TFDP2: variants seen among roughly 807,000 people sequenced by gnomAD.
The protein encoded by TFDP2 is transcription factor Dp-2 (E2F dimerization partner 2).
TFDP2 carries 17 observed loss-of-function variants against 59.3 expected under a neutral mutation model. The ratio of observed to expected loss-of-function variants is 0.29; its 90% CI spans 0.20 to 0.43. The LOEUF is 0.43. TFDP2 is among the 20% of genes least tolerant of loss of function. The pLI, the probability that TFDP2 is intolerant of heterozygous loss-of-function variation, is 1.00. For synonymous variants in TFDP2, 180 were observed against 194.7 expected (o/e 0.92, Z 0.63); for missense variants, 391 against 528.8 (o/e 0.74, Z 2.56).
intron 1 of TFDP2, among the ~76,000 whole-genome samples, chr3:142,112,483 C>T (rs1185924714): frequency 1.3e-5 from 2 of 152,136 alleles, no homozygotes; most frequent in Non-Finnish European, 2.9e-5. Context: ...AGTATATGTG[C>T]TTTGATTTTC....
At chr3:142,086,039 G>A (rs775833702) in intron 3 of TFDP2, among the ~76,000 whole-genome samples, 5 of 151,788 alleles carry the variant, frequency 3.3e-5, no homozygotes, top group African/African-American at 7.3e-5. Flanking sequence ...ACTATCTTCC[G>A]CCCTTGTTCT....
chr3:141,954,095 G>A (rs1936260757), intron 11 of TFDP2, among the ~76,000 whole-genome samples: 2 of 151,988 alleles, frequency 1.3e-5, no homozygotes, highest in South Asian at 4.2e-4. Context: ...GGGAGGCGGA[G>A]GTTGCAGTGA....
chr3:141,955,170 T>C (rs1453612458), intron 11 of TFDP2, among the ~76,000 whole-genome samples: 4 of 152,220 alleles, frequency 2.6e-5, no homozygotes, highest in African/African-American at 9.6e-5. Flanking sequence ...ATTCTCTTTT[T>C]ACAATGAATT....
intron 1 of TFDP2, among the ~76,000 whole-genome samples, chr3:142,120,833 C>T (rs1376456605): frequency 6.6e-6 from 1 of 152,110 alleles, no homozygotes; most frequent in Non-Finnish European, 1.5e-5. Context: ...TTCATAACCC[C>T]ATGGCACTAT....
At chr3:142,005,785 T>C (rs1944158902) in intron 3 of TFDP2, among the ~76,000 whole-genome samples, 1 of 152,192 alleles carries the variant, frequency 6.6e-6, no homozygotes, top group South Asian at 2.1e-4. Flanking sequence ...CTCTATAAAA[T>C]AAATAGTTCC....
At chr3:142,146,701 C>T (rs2063191648) in intron 1 of TFDP2, among the ~76,000 whole-genome samples, 1 of 152,112 alleles carries the variant, frequency 6.6e-6, no homozygotes, top group Non-Finnish European at 1.5e-5. Context: ...GGGTACCATG[C>T]TTGTCAGAAG....
chr3:142,141,074 G>A (rs907550005), intron 1 of TFDP2, among the ~76,000 whole-genome samples: 2 of 152,154 alleles, frequency 1.3e-5, no homozygotes, highest in Non-Finnish European at 2.9e-5. Flanking sequence ...CCTCAGCAAT[G>A]GCGGACACCC....
chr3:141,963,033 T>A (rs1024171979), intron 10 of TFDP2, among the ~76,000 whole-genome samples: 5 of 152,190 alleles, frequency 3.3e-5, no homozygotes, highest in Non-Finnish European at 7.3e-5. Flanking sequence ...GGACCCAGTA[T>A]CATTCCTATT....
intron 2 of TFDP2, 111 bp from the exon 3 acceptor site, chr3:142,093,238 C>T (rs1161006052): frequency 1.8e-6 from 1 of 569,846 alleles, no homozygotes; most frequent in Non-Finnish European, 2.9e-6. Flanking sequence ...TATATAGCCA[C>T]ATCAAATGAA....
intron 1 of TFDP2, among the ~76,000 whole-genome samples, chr3:142,107,135 T>TA (rs2061499614): frequency 6.6e-6 from 1 of 152,168 alleles, no homozygotes; most frequent in Admixed American, 6.5e-5. Context: ...CAGAAGCAAC[T>TA]ACAATAACTT....
At chr3:142,008,506 T>C (rs1174863334) in intron 3 of TFDP2, among the ~76,000 whole-genome samples, 1 of 151,788 alleles carries the variant, frequency 6.6e-6, no homozygotes, top group Non-Finnish European at 1.5e-5. Flanking sequence ...TTAAATACTT[T>C]ACATTTCCAG....
At chr3:141,982,644 C>G (rs1306475152) in intron 6 of TFDP2, among the ~76,000 whole-genome samples, 2 of 152,068 alleles carry the variant, frequency 1.3e-5, no homozygotes, top group Non-Finnish European at 2.9e-5. Flanking sequence ...CTAATTGGCT[C>G]TCTATAGTCA....
chr3:141,991,569 GCCACATGGTGAAACC>G (rs1467743258), intron 6 of TFDP2, among the ~76,000 whole-genome samples: 1 of 152,150 alleles, frequency 6.6e-6, no homozygotes, highest in Non-Finnish European at 1.5e-5. Flanking sequence ...GACCAGCCTG[GCCACATGGTGAAACC>G]CCATCTCTAC....
Position 141,944,977 on chromosome 3 carries a change from T to C in TFDP2, c.*7536A>G, listed in dbSNP as rs1404542061. 1 of 152,230 alleles carries C rather than the reference T, an allele frequency of 6.6e-6. No homozygotes were observed. Among genetic ancestry groups the C allele is most frequent in the Non-Finnish European group, 1.5e-5 (1 of 68,038 alleles). 9.4% of individuals were successfully genotyped at this position (152,230 alleles called of 1,614,324 possible). On this transcript the variant is annotated 3_prime_UTR_variant, in exon 13 of 13. Coordinates refer to ENST00000489671, the MANE Select transcript of TFDP2 (RefSeq NM_001178139.2). ...TTTCCTCTTATCTCTCTTGTTTAAA[T>C]TGCTTAAAGCATGTGGCACCACGAT...
intron 3 of TFDP2, among the ~76,000 whole-genome samples, chr3:142,041,468 TA>T (rs1316056532): frequency 6.6e-6 from 1 of 152,206 alleles, no homozygotes; most frequent in Non-Finnish European, 1.5e-5. Flanking sequence ...GATGGTTTTA[TA>T]AAGGGCAGTT....
At chr3:142,110,721 G>A (rs1297916985) in intron 1 of TFDP2, among the ~76,000 whole-genome samples, 1 of 152,000 alleles carries the variant, frequency 6.6e-6, no homozygotes, top group African/African-American at 2.4e-5. Flanking sequence ...GGAGGCCCTG[G>A]TAGGCAGACT....
At chr3:142,093,276 T>C (rs556983837) in intron 2 of TFDP2, 149 bp from the exon 3 acceptor site, 87 of 522,058 alleles carry the variant, frequency 1.7e-4, no homozygotes, top group African/African-American at 1.6e-3. Flanking sequence ...AGGAGTATTA[T>C]TTTAAAATGA....
At chr3:142,072,025 T>C (rs2060265773) in intron 3 of TFDP2, among the ~76,000 whole-genome samples, 1 of 151,968 alleles carries the variant, frequency 6.6e-6, no homozygotes, top group Non-Finnish European at 1.5e-5. Flanking sequence ...CTGGGGAGAA[T>C]ACACAAGGTG....
intron 3 of TFDP2, chr3:142,028,435 T>C (rs1946249718): frequency 4.0e-6 from 1 of 250,168 alleles, no homozygotes. Flanking sequence ...ACCCTGTAGT[T>C]TTTCTGTCTG....
Sources: allele counts gnomAD v4.1 joint callset (sites outside exome capture counted in the v4.1 genomes callset), GRCh38; gene constraint gnomAD v4.1.1; transcripts MANE v1.5; gene names NCBI Gene and HGNC (gene_info 2026-07-23, HGNC 2026-07-21).